Variants in ELK4 observed in about 807,000 individuals in gnomAD.
ELK4 encodes the protein ETS transcription factor ELK4.
A neutral mutation model predicts 29.6 loss-of-function variants in ELK4; 16 were observed. That is an observed-to-expected ratio of 0.54 (90% CI 0.37 to 0.82). The LOEUF (loss-of-function observed/expected upper bound fraction) is 0.82, where lower values mean the gene tolerates loss of function less well. Ranked by LOEUF, ELK4 falls within the 40% of genes least tolerant of loss-of-function variation. ELK4 has a pLI of 0.00. For missense variants in ELK4, 465 were observed against 507.1 expected, an observed-to-expected ratio of 0.92 and a Z score of 0.80; for synonymous variants, 213 against 191.1, an observed-to-expected ratio of 1.11 and a Z score of -0.95.
intron 1 of ELK4, chr1:205,625,731 T>G (rs1571505072): frequency 1.4e-6 from 1 of 704,368 alleles, no homozygotes. Flanking sequence ...CAGGCTGGAG[T>G]GCAGTGGCGC....
At position 205,609,902 on chromosome 1, in the gene ELK4, T is replaced by C. The variant is rs1464306368; in HGVS notation, c.*6644A>G. On this transcript the variant is annotated 3_prime_UTR_variant, in exon 5 of 5. Coordinates refer to ENST00000357992, the MANE Select transcript of ELK4 (RefSeq NM_001973.4). The stretch of plus-strand genomic sequence containing the variant: ...CTCATTAGGTAACCCATTTATCCCT[T>C]CTACAAACACCCTATAAATTCCAGA... 8.8e-6 allele frequency: 2 copies of C among 228,294 alleles called. No individual in the cohort carries two copies. The allele number at this position is 228,294 out of a possible 1,614,324, so 14.1% of individuals were successfully genotyped here.
At position 205,623,781 on chromosome 1, in the gene ELK4, C is replaced by A. The variant is rs567819535; in HGVS notation, c.102G>T (p.Lys34Asn). The change falls in exon 2 of 5, where the codon AAG (lysine) becomes AAT (asparagine). Residue 34 changes from lysine to asparagine, a missense_variant. This residue lies in a region of ELK4 where 385 missense variants were observed against 387.5 expected (regional missense o/e 0.99). Coordinates refer to ENST00000357992, the MANE Select transcript of ELK4 (RefSeq NM_001973.4). ...ICWTSNDGQF[K>N]LLQAEEVARL... ...GAGCCACCTCTTCTGCCTGCAAAAGCTTAAACTGCCCATCATTAGAGGTCC... is the reference window on the plus strand; with the variant it reads ...GAGCCACCTCTTCTGCCTGCAAAAGATTAAACTGCCCATCATTAGAGGTCC... The A allele has an allele frequency of 2.5e-6, 4 of 1,614,140 alleles. No individual in the cohort carries two copies. Among genetic ancestry groups the A allele is most frequent in the Non-Finnish European group, 3.4e-6 (4 of 1,180,018 alleles).
rs879791749 is a variant in ELK4, at chr1:205,610,218, C to G, written c.*6328G>C. 1 of 231,676 alleles carries G rather than the reference C, an allele frequency of 4.3e-6. No homozygotes were observed. The highest frequency in any genetic ancestry group is 2.2e-5 in the African/African-American group (1 of 45,218). 14.4% of individuals were successfully genotyped at this position (231,676 alleles called of 1,614,324 possible). A position where few individuals can be genotyped will look rare whatever the true frequency, so the allele number is the denominator to read the frequency against. ...CCCAGGCCTATGTGAGCATGACTCA[C>G]AATCCTTGGAAGGGAAAAGAACCAG... On this transcript the variant is annotated 3_prime_UTR_variant, in exon 5 of 5. Coordinates refer to ENST00000357992, the MANE Select transcript of ELK4 (RefSeq NM_001973.4).
intron 3 of ELK4, chr1:205,619,466 G>A (rs760346366): frequency 8.4e-6 from 9 of 1,067,260 alleles, no homozygotes; most frequent in Non-Finnish European, 1.0e-5. Context: ...CAAGACACCA[G>A]CATGTTTGTT....
At chr1:205,631,303 A>G (rs1670580839) in intron 1 of ELK4, among the ~76,000 whole-genome samples, 1 of 152,204 alleles carries the variant, frequency 6.6e-6, no homozygotes, top group African/African-American at 2.4e-5. Context: ...GAATTACTGT[A>G]CTTTCATTTT....
Position 205,616,332 on chromosome 1 carries a change from G to C in ELK4, c.*214C>G, listed in dbSNP as rs1176820504. On this transcript the variant is annotated 3_prime_UTR_variant, in exon 5 of 5. Transcript: ENST00000357992. Reference sequence around the variant, plus strand: ...GAAAAGGAAAAGACAGAGGGAGGTGGAGTTTAGACTCCAATTAAGGCATTT... The same window carrying C: ...GAAAAGGAAAAGACAGAGGGAGGTGCAGTTTAGACTCCAATTAAGGCATTT... 4.6e-6 allele frequency: 2 copies of C among 433,982 alleles called. No homozygotes were observed. Among genetic ancestry groups the C allele is most frequent in the East Asian group, 6.5e-5 (2 of 30,886 alleles). 26.9% of individuals were successfully genotyped at this position (433,982 alleles called of 1,614,324 possible). A position where few individuals can be genotyped will look rare whatever the true frequency, so the allele number is the denominator to read the frequency against.
At chr1:205,626,689 T>C (rs78275044) in intron 1 of ELK4, among the ~76,000 whole-genome samples, 4,886 of 152,264 alleles carry the variant, frequency 0.032, 112 homozygotes, top group African/African-American at 0.055. Flanking sequence ...ATAACAAATA[T>C]TGGCAAGGAT....
rs1177383792 is a variant in ELK4 at position 205,616,549 on chromosome 1, T to C, written c.1293A>G (p.Thr431=). The part of the protein sequence containing the change: ...PGPFSPDLQK[T] ...TCTCATTCCACAAGTGCATAGGTTA[T>C]GTCTTCTGTAGGTCTGGGGAAAATG... is the stretch of plus-strand genomic sequence containing the variant. Residue 431 remains threonine, a synonymous_variant, in exon 5 of 5, where the codon ACA becomes ACG. Coordinates refer to ENST00000357992, the MANE Select transcript of ELK4 (RefSeq NM_001973.4). The C allele has an allele frequency of 3.1e-6, 5 of 1,614,010 alleles. No homozygotes were observed. The highest frequency in any genetic ancestry group is 1.1e-5 in the South Asian group (1 of 91,076).
rs536469219 is a variant in ELK4, at chr1:205,625,567, G to A, written c.-9-1676C>T. The A allele has an allele frequency of 9.0e-5, 81 of 904,546 alleles. No homozygotes were observed. In the African/African-American group the frequency reaches 1.0e-3, roughly 12 times the overall value. 56.0% of individuals were successfully genotyped at this position (904,546 alleles called of 1,614,324 possible). On this transcript the variant is annotated intron_variant, in intron 1 of 4. Transcript: ENST00000357992. ...AAGACTGGAAAGAAATACCCGGACCGGGTGCCGGTGATAGTAGAAAAGGCT... is the reference window on the plus strand; with the variant it reads ...AAGACTGGAAAGAAATACCCGGACCAGGTGCCGGTGATAGTAGAAAAGGCT...
rs1459888255 is a variant in ELK4 at position 205,620,025 on chromosome 1, G to A, written c.1021C>T (p.Leu341=). 2 of 1,614,248 alleles carry A rather than the reference G, an allele frequency of 1.2e-6. No individual in the cohort carries two copies. Among genetic ancestry groups the A allele is most frequent in the Admixed American group, 1.7e-5 (1 of 60,026 alleles). Residue 341 remains leucine (L), a synonymous_variant, in exon 3 of 5, where the codon CTG becomes TTG. Coordinates refer to ENST00000357992, the MANE Select transcript of ELK4 (RefSeq NM_001973.4). ...LVITSSDPSP[L]GILSPSLPTA... is the part of the protein sequence containing the mutation. ...GGGAGAGATGGGCTCAGTATTCCCA[G>A]TGGGCTTGGATCACTGCTCGTGATC...
Position 205,631,989 on chromosome 1 carries a change from C to A in ELK4, c.-367G>T, listed in dbSNP as rs910916534. 2 of 151,958 alleles carry A rather than the reference C, an allele frequency of 1.3e-5. No homozygotes were observed. Among genetic ancestry groups the A allele is most frequent in the African/African-American group, 4.8e-5 (2 of 41,396 alleles). The allele number at this position is 151,958 out of a possible 1,614,324, so 9.4% of individuals were successfully genotyped here. ...GCCACTCTCAAACCCCCCGACTGCT[C>A]CTGGGTCCCTCCCAGACGCCGTAGT... On this transcript the variant is annotated 5_prime_UTR_variant, in exon 1 of 5. Coordinates refer to ENST00000357992, the MANE Select transcript of ELK4 (RefSeq NM_001973.4).
chr1:205,625,082 A>G (rs1268548883), intron 1 of ELK4, among the ~76,000 whole-genome samples: 1 of 152,186 alleles, frequency 6.6e-6, no homozygotes, highest in African/African-American at 2.4e-5. Flanking sequence ...TGAGATCTCA[A>G]TGGGTTAGAA....
At position 205,626,584 on chromosome 1, in the gene ELK4, C is replaced by T. The variant is rs377210633; in HGVS notation, c.-9-2693G>A. On this transcript the variant is annotated intron_variant, in intron 1 of 4. Transcript: ENST00000357992. ...AGAAGAAACCACCAAAAAAAAAATG[C>T]TCTACATAATTAGTTATTAGGGAAC... Among the ~76,000 whole-genome samples, 17 of 152,108 alleles carry T rather than the reference C, an allele frequency of 1.1e-4. 1 individual carries two copies. In the East Asian group the frequency reaches 2.7e-3, roughly 24 times the overall value.
Position 205,623,689 on chromosome 1 carries a change from T to C in ELK4, c.194A>G (p.Tyr65Cys). 6.2e-7 allele frequency: 1 copy of C among 1,614,110 alleles called. No homozygotes were observed. Among genetic ancestry groups the C allele is most frequent in the South Asian group, 1.1e-5 (1 of 91,074 alleles). Reference protein sequence around the residue: ...NYDKLSRALRYYYVKNIIKKV... With the variant: ...NYDKLSRALRCYYVKNIIKKV... Reference sequence around the variant, plus strand: ...GATGTGTACTACCTTTACATAATAGTATCTGAGGGCTCGGCTGAGTTTGTC... The same window carrying C: ...GATGTGTACTACCTTTACATAATAGCATCTGAGGGCTCGGCTGAGTTTGTC... The change falls in exon 2 of 5, where the codon TAC (tyrosine) becomes TGC (cysteine). Residue 65 changes from tyrosine to cysteine, a missense_variant. Tyr to Cys is a radical substitution (Grantham distance 194, BLOSUM62 -2). Around this residue, in one of 2 missense-constraint regions of ELK4, gnomAD observed 385 missense variants for 387.5 expected, o/e 0.99. Transcript: ENST00000357992.
At position 205,610,636 on chromosome 1, in the gene ELK4, T is replaced by G. The variant is rs1558017853; in HGVS notation, c.*5910A>C. 1 of 230,614 alleles carries G rather than the reference T, an allele frequency of 4.3e-6. No individual in the cohort carries two copies. The highest frequency in any genetic ancestry group is 6.2e-5 in the East Asian group (1 of 16,172). 14.3% of individuals were successfully genotyped at this position (230,614 alleles called of 1,614,324 possible). A position where few individuals can be genotyped will look rare whatever the true frequency, so the allele number is the denominator to read the frequency against. ...TAAAATGTTGGTGAGCAATTCATCTTTAAGGCCTACTGAAATGTGCAAAGC... is the reference window on the plus strand; with the variant it reads ...TAAAATGTTGGTGAGCAATTCATCTGTAAGGCCTACTGAAATGTGCAAAGC... On this transcript the variant is annotated 3_prime_UTR_variant, in exon 5 of 5. Transcript: ENST00000357992.
At chr1:205,625,466 G>A in intron 1 of ELK4, 1 of 652,786 alleles carries the variant, frequency 1.5e-6, no homozygotes, top group Non-Finnish European at 2.9e-6. Context: ...GCCTAGTTCA[G>A]CCGGGTTCCC....
In ELK4 at chr1:205,620,250, T is replaced by C. The variant is rs961941768; in HGVS notation, c.796A>G (p.Arg266Gly). 4 of 1,614,082 alleles carry C rather than the reference T, an allele frequency of 2.5e-6. No individual in the cohort carries two copies. The highest frequency in any genetic ancestry group is 2.7e-5 in the African/African-American group (2 of 74,938). The change falls in exon 3 of 5, where the codon AGA becomes GGA. Residue 266 changes from arginine (R) to glycine (G), a missense_variant. By Grantham distance (125) the Arg-to-Gly change is moderately radical (BLOSUM62 -2). Coordinates refer to ENST00000357992, the MANE Select transcript of ELK4 (RefSeq NM_001973.4). ...GAACTCAGTGGTGGTGAAGGTGTTC[T>C]GGGAGGTTCCTGCAAAGGGGGTATG... is the stretch of plus-strand genomic sequence containing the variant. ...SSIPPLQEPP[R>G]TPSPPLSSHP...
At chr1:205,629,532 C>T (rs889862789) in intron 1 of ELK4, among the ~76,000 whole-genome samples, 1 of 151,982 alleles carries the variant, frequency 6.6e-6, no homozygotes, top group African/African-American at 2.4e-5. Context: ...GCCTGGCCAA[C>T]ATGGTGAAAC....
chr1:205,609,857 T>G lies in ELK4; in HGVS notation c.*6689A>C, dbSNP rs1330743091. 4.4e-6 allele frequency: 1 copy of G among 226,392 alleles called. No homozygotes were observed. Among genetic ancestry groups the G allele is most frequent in the African/African-American group, 2.2e-5 (1 of 45,010 alleles). The allele number at this position is 226,392 out of a possible 1,614,324, so 14.0% of individuals were successfully genotyped here. A position where few individuals can be genotyped will look rare whatever the true frequency, so the allele number is the denominator to read the frequency against. On this transcript the variant is annotated 3_prime_UTR_variant, in exon 5 of 5. Transcript: ENST00000357992. ...ATATCCTAGCCAAAAGGGCATACCT[T>G]ACAGAGCCTAGAAGAATGGCTCATT...
Sources: gnomAD v4.1 joint callset for allele counts (sites outside exome capture counted in the v4.1 genomes callset) on GRCh38, gnomAD v4.1.1 for gene constraint, gnomAD v4.1.1 regional missense constraint, MANE v1.5 for transcripts, NCBI Gene and HGNC (gene_info 2026-07-23, HGNC 2026-07-21) for gene names.